SIPA1L2: variants seen among roughly 807,000 people sequenced by gnomAD.
SIPA1L2 encodes signal induced proliferation associated 1 like 2.
SIPA1L2 carries 56 observed loss-of-function variants against 163.9 expected under a neutral mutation model. The ratio of observed to expected loss-of-function variants is 0.34; its 90% CI spans 0.28 to 0.43. The LOEUF (loss-of-function observed/expected upper bound fraction) is 0.43, where lower values mean the gene tolerates loss of function less well. Among genes scored for constraint, SIPA1L2 ranks in the 20% least tolerant of loss-of-function variants. SIPA1L2 has a pLI of 1.00. For synonymous variants in SIPA1L2, 877 were observed against 865.7 expected (o/e 1.01, Z -0.23); for missense variants, 1,974 against 2,193.5 (o/e 0.90, Z 2.00).
chr1:232,432,487 G>C lies in SIPA1L2; in HGVS notation c.4032-16C>G. The C allele has an allele frequency of 6.2e-7, 1 of 1,606,334 alleles. No homozygotes were observed. The highest frequency in any genetic ancestry group is 1.1e-5 in the South Asian group (1 of 90,892). On this transcript the variant is annotated splice_polypyrimidine_tract_variant and intron_variant, in intron 15 of 22. Transcript: ENST00000674635. ...GTGAGAACCACTGAGGAGAAAAACAGACAAAAGCTGCAATACAATCTGATT... is the reference window on the plus strand; with the variant it reads ...GTGAGAACCACTGAGGAGAAAAACACACAAAAGCTGCAATACAATCTGATT...
At chr1:232,462,153 A>T in intron 9 of SIPA1L2, 1 of 1,333,666 alleles carries the variant, frequency 7.5e-7, no homozygotes, top group Non-Finnish European at 1.1e-6. Flanking sequence ...CCCACTTGGT[A>T]CATTAAAGCA....
intron 2 of SIPA1L2, among the ~76,000 whole-genome samples, chr1:232,531,510 T>C (rs941861211): frequency 6.6e-6 from 1 of 152,218 alleles, no homozygotes; most frequent in Non-Finnish European, 1.5e-5. Context: ...TTTCAACAAA[T>C]ACGTATACGT....
At chr1:232,601,216 C>G (rs1661580320) in intron 1 of SIPA1L2, among the ~76,000 whole-genome samples, 1 of 152,196 alleles carries the variant, frequency 6.6e-6, no homozygotes, top group African/African-American at 2.4e-5. Flanking sequence ...CAGAGACATT[C>G]AACTTTAGGG....
At chr1:232,445,882 G>A in intron 10 of SIPA1L2, 96 bp from the exon 11 acceptor site, 1 of 1,360,236 alleles carries the variant, frequency 7.4e-7, no homozygotes, top group Non-Finnish European at 1.0e-6. Flanking sequence ...ACATCACATG[G>A]TGTGTGCCTC....
intron 1 of SIPA1L2, among the ~76,000 whole-genome samples, chr1:232,599,795 G>A (rs1411672814): frequency 2.0e-5 from 3 of 152,198 alleles, no homozygotes; most frequent in African/African-American, 7.2e-5. Flanking sequence ...ATACAGCAAG[G>A]CCAGAGGACT....
chr1:232,483,973 T>C lies in SIPA1L2; in HGVS notation c.1807-7A>G, dbSNP rs1252311497. On this transcript the variant is annotated splice_polypyrimidine_tract_variant and splice_region_variant and intron_variant, in intron 5 of 22. Coordinates refer to ENST00000674635, the MANE Select transcript of SIPA1L2 (RefSeq NM_020808.5). ...TCTTGTGCTGAAAGCTCAGCTGAAA[T>C]GGGGGAGAAATATAATTACTTGGCA... The C allele has an allele frequency of 1.2e-6, 2 of 1,601,862 alleles. No homozygotes were observed. The highest frequency in any genetic ancestry group is 1.1e-5 in the South Asian group (1 of 88,204).
At chr1:232,433,810 C>G (rs1056861481) in intron 15 of SIPA1L2, among the ~76,000 whole-genome samples, 4 of 152,192 alleles carry the variant, frequency 2.6e-5, no homozygotes, top group African/African-American at 9.7e-5. Context: ...GCTTCACTTT[C>G]AGCAAACTTG....
intron 5 of SIPA1L2, among the ~76,000 whole-genome samples, chr1:232,485,294 A>G (rs2102982222): frequency 6.6e-6 from 1 of 152,356 alleles, no homozygotes. Context: ...TGTCAAGGCC[A>G]GGAGATCCCC....
At chr1:232,424,293 G>A (rs940912585) in intron 18 of SIPA1L2, among the ~76,000 whole-genome samples, 11 of 100,520 alleles carry the variant, frequency 1.1e-4, no homozygotes, top group African/African-American at 4.3e-4. Context: ...ACTGCTCTAA[G>A]AAGTCTATTT....
rs2102978630 is a variant in SIPA1L2, at chr1:232,483,778, A to G, written c.1981+14T>C. 6.2e-7 allele frequency: 1 copy of G among 1,613,550 alleles called. No homozygotes were observed. The highest frequency in any genetic ancestry group is 1.1e-5 in the South Asian group (1 of 90,986). Reference sequence around the variant, plus strand: ...AGAATTAAAAATGTGCACACACACAAACATTAAACTTACTCTTATTGTCTA... The same window carrying G: ...AGAATTAAAAATGTGCACACACACAGACATTAAACTTACTCTTATTGTCTA... On this transcript the variant is annotated intron_variant, in intron 6 of 22. Transcript: ENST00000674635.
chr1:232,537,312 C>A (rs1657368439), intron 2 of SIPA1L2, among the ~76,000 whole-genome samples: 1 of 152,024 alleles, frequency 6.6e-6, no homozygotes, highest in Admixed American at 6.6e-5. Flanking sequence ...ACAGAATGTC[C>A]TACTTCTTGG....
chr1:232,402,438 T>C lies in SIPA1L2; in HGVS notation c.4976A>G (p.Asn1659Ser), dbSNP rs748352742. Residue 1659 changes from asparagine to serine, a missense_variant, in exon 22 of 23, where the codon AAT becomes AGT. By Grantham distance (46) the Asn-to-Ser change is conservative. Coordinates refer to ENST00000674635, the MANE Select transcript of SIPA1L2 (RefSeq NM_020808.5). ...RSPSPLTGKV[N>S]QLELILRQLQ... ...TTGTCGAAGAATTAATTCCAGCTGA[T>C]TGACTTTCCCGGTCAGTGGTGATGG... 1.1e-5 allele frequency: 17 copies of C among 1,613,610 alleles called. No homozygotes were observed. The highest frequency in any genetic ancestry group is 1.2e-5 in the Non-Finnish European group (14 of 1,179,666).
intron 2 of SIPA1L2, among the ~76,000 whole-genome samples, chr1:232,567,899 A>G (rs372332590): frequency 5.1e-4 from 77 of 152,166 alleles, no homozygotes; most frequent in African/African-American, 6.3e-4. Context: ...CCAATGGCCA[A>G]TGGTTTAATC....
chr1:232,605,171 C>A (rs1661830069), intron 1 of SIPA1L2, among the ~76,000 whole-genome samples: 1 of 152,110 alleles, frequency 6.6e-6, no homozygotes, highest in Non-Finnish European at 1.5e-5. Context: ...CATCACCACA[C>A]CCAGCTAATT....
At chr1:232,525,184 A>G (rs1237678514) in intron 2 of SIPA1L2, among the ~76,000 whole-genome samples, 1 of 151,376 alleles carries the variant, frequency 6.6e-6, no homozygotes, top group East Asian at 1.9e-4. Flanking sequence ...TTACAAAAAT[A>G]CTGCCCTTTA....
intron 1 of SIPA1L2, among the ~76,000 whole-genome samples, chr1:232,609,829 CAAAA>C (rs71173228): frequency 2.9e-5 from 3 of 102,340 alleles, no homozygotes; most frequent in Non-Finnish European, 4.1e-5. Context: ...GACTCCATCT[CAAAA>C]AAAAAAAAAA....
intron 11 of SIPA1L2, 115 bp downstream of exon 11, chr1:232,445,394 CCTTGCTACCCTGCTTGCCAA>C (rs1416934560): frequency 2.3e-6 from 3 of 1,305,684 alleles, no homozygotes; most frequent in Non-Finnish European, 3.2e-6. Flanking sequence ...CTGGGGCCTG[CCTTGCTACCCTGCTTGCCAA>C]CTTGCTGTGA....
rs11579669 is a variant in SIPA1L2 at position 232,495,513 on chromosome 1, C to G, written c.1484-1853G>C. On this transcript the variant is annotated intron_variant, in intron 3 of 22. Transcript: ENST00000674635. The stretch of plus-strand genomic sequence containing the variant: ...CTGGGAGGTGGAGCTTGCATCGAGC[C>G]GAGATCACCCCACTGCACTCCAGCC... Among the ~76,000 whole-genome samples, 5 of 148,186 alleles carry G rather than the reference C, an allele frequency of 3.4e-5. No homozygotes were observed. In the South Asian group the frequency reaches 1.1e-3, roughly 32 times the overall value.
intron 8 of SIPA1L2, among the ~76,000 whole-genome samples, chr1:232,466,540 C>T (rs553204871): frequency 1.4e-4 from 22 of 152,216 alleles, no homozygotes; most frequent in African/African-American, 4.6e-4. Context: ...CCTGTAATCC[C>T]AGCACTTTGG....
Sources: allele counts gnomAD v4.1 joint callset (sites outside exome capture counted in the v4.1 genomes callset), GRCh38; gene constraint gnomAD v4.1.1; transcripts MANE v1.5; gene names NCBI Gene and HGNC (gene_info 2026-07-23, HGNC 2026-07-21).